Variants in OR5H14 observed in about 807,000 individuals in gnomAD.
OR5H14 encodes the protein olfactory receptor 5H14.
For synonymous variants in OR5H14, 155 were observed against 130.6 expected, an observed-to-expected ratio of 1.19 and a Z score of -1.28; for missense variants, 392 against 363.9, an observed-to-expected ratio of 1.08 and a Z score of -0.63.
Position 98,149,567 on chromosome 3 carries a change from T to C in OR5H14, c.182T>C (p.Leu61Ser). 6.2e-7 allele frequency: 1 copy of C among 1,613,574 alleles called. No individual in the cohort carries two copies. The highest frequency in any genetic ancestry group is 8.5e-7 in the Non-Finnish European group (1 of 1,179,596). The change falls in exon 2 of 2, where the codon TTA (leucine) becomes TCA (serine). Residue 61 changes from leucine to serine, a missense_variant. By Grantham distance (145) the Leu-to-Ser change is moderately radical. Coordinates refer to ENST00000641380, the MANE Select transcript of OR5H14 (RefSeq NM_001005514.2). ...CCTCATCTTCATATCCCAATGTACT[T>C]ACTCCTTGGGAATTTAGCTTTTGTG... ...KDPHLHIPMYLLLGNLAFVDA... is the reference protein window; with the variant it reads ...KDPHLHIPMYSLLGNLAFVDA...
chr3:98,147,919 C>T (rs1217833444), intron 1 of OR5H14: 1 of 151,906 alleles, frequency 6.6e-6, no homozygotes, highest in Non-Finnish European at 1.5e-5. Context: ...TAATTAACTA[C>T]ACTCTCTGAT....
rs7644227 is a variant in OR5H14, at chr3:98,152,188, T to C, written c.*1870T>C. The stretch of plus-strand genomic sequence containing the variant: ...AGGATGTGGAGAAATAAGAACTCAT[T>C]TATCCTGTTGGTGGGAGTGTAATTA... On this transcript the variant is annotated 3_prime_UTR_variant, in exon 2 of 2. Coordinates refer to ENST00000641380, the MANE Select transcript of OR5H14 (RefSeq NM_001005514.2). 0.58 allele frequency: 88,168 copies of C among 151,548 alleles called. 26,028 individuals carry two copies. The highest frequency in any genetic ancestry group is 0.69 in the African/African-American group (28,589 of 41,326). 9.4% of individuals were successfully genotyped at this position (151,548 alleles called of 1,614,324 possible). A position where few individuals can be genotyped will look rare whatever the true frequency, so the allele number is the denominator to read the frequency against.
In OR5H14 at chr3:98,150,331, ATC is replaced by A; in HGVS notation, c.*17_*18del. The stretch of plus-strand genomic sequence containing the variant: ...AAATGATGTTTAGATCATTACTAAT[ATC>A]TCTTTTCTATTTACTAAAATGTCAC... On this transcript the variant is annotated 3_prime_UTR_variant, in exon 2 of 2. Coordinates refer to ENST00000641380, the MANE Select transcript of OR5H14 (RefSeq NM_001005514.2). 1 of 1,470,598 alleles carries A rather than the reference ATC, an allele frequency of 6.8e-7. No homozygotes were observed. Among genetic ancestry groups the A allele is most frequent in the South Asian group, 1.4e-5 (1 of 70,120 alleles). 91.1% of individuals were successfully genotyped at this position (1,470,598 alleles called of 1,614,324 possible). A position where few individuals can be genotyped will look rare whatever the true frequency, so the allele number is the denominator to read the frequency against.
intron 1 of OR5H14, among the ~76,000 whole-genome samples, chr3:98,148,492 T>C (rs944539072): frequency 3.9e-5 from 6 of 152,052 alleles, no homozygotes; most frequent in African/African-American, 1.4e-4. Context: ...TGATGCTCAC[T>C]CCAAGAACTT....
At chr3:98,149,311 T>G in intron 1 of OR5H14, 57 bp from the exon 2 acceptor site, 1 of 1,552,856 alleles carries the variant, frequency 6.4e-7, no homozygotes, top group Non-Finnish European at 8.7e-7. Context: ...TCTTTCCCAA[T>G]TTCAACTCAT....
chr3:98,149,433 A>C lies in OR5H14; in HGVS notation c.48A>C (p.Gly16=), dbSNP rs772903874. The change falls in exon 2 of 2, where the codon GGA becomes GGC. Residue 16 remains glycine (G), a synonymous_variant. Coordinates refer to ENST00000641380, the MANE Select transcript of OR5H14 (RefSeq NM_001005514.2). ...ATLLTEFVLT[G]FLYQPQWKIP... Reference sequence around the variant, plus strand: ...TGCTGACAGAGTTTGTTCTCACAGGATTTTTATATCAACCACAGTGGAAAA... The same window carrying C: ...TGCTGACAGAGTTTGTTCTCACAGGCTTTTTATATCAACCACAGTGGAAAA... 5.6e-6 allele frequency: 9 copies of C among 1,613,176 alleles called. No individual in the cohort carries two copies. Among genetic ancestry groups the C allele is most frequent in the Non-Finnish European group, 6.8e-6 (8 of 1,179,444 alleles).
Position 98,149,627 on chromosome 3 carries a change from T to C in OR5H14, c.242T>C (p.Met81Thr). The change falls in exon 2 of 2, where the codon ATG becomes ACG. Residue 81 changes from methionine to threonine, a missense_variant. Met to Thr is a moderately conservative substitution (Grantham distance 81). Transcript: ENST00000641380. ...TTATCATCCTCAGTGACTCTGAAGA[T>C]GCTGATCAACTTCTTAGCTAAGAGT... ...ALLSSSVTLK[M>T]LINFLAKSKM... 6.2e-7 allele frequency: 1 copy of C among 1,613,640 alleles called. No individual in the cohort carries two copies. Among genetic ancestry groups the C allele is most frequent in the Admixed American group, 1.7e-5 (1 of 59,984 alleles).
rs1405433724 is a variant in OR5H14, at chr3:98,154,305, C to G, written c.*3987C>G. On this transcript the variant is annotated 3_prime_UTR_variant, in exon 2 of 2. Coordinates refer to ENST00000641380, the MANE Select transcript of OR5H14 (RefSeq NM_001005514.2). ...GATTGAGGGGTTGGATCTTTCCTGT[C>G]TACCTTAGGTACCTCACGTTTGGCT... 1 of 152,172 alleles carries G rather than the reference C, an allele frequency of 6.6e-6. No homozygotes were observed. Among genetic ancestry groups the G allele is most frequent in the Admixed American group, 6.6e-5 (1 of 15,266 alleles). 9.4% of individuals were successfully genotyped at this position (152,172 alleles called of 1,614,324 possible).
At position 98,149,801 on chromosome 3, in the gene OR5H14, G is replaced by C. The variant is rs1220531636; in HGVS notation, c.416G>C (p.Gly139Ala). The change falls in exon 2 of 2, where the codon GGA becomes GCA. Residue 139 changes from glycine to alanine, a missense_variant. Transcript: ENST00000641380. ...CTTTATCCAGCCATTATGACCAATGGACTGTGCATCCGGCTATTAATCTTG... is the reference window on the plus strand; with the variant it reads ...CTTTATCCAGCCATTATGACCAATGCACTGTGCATCCGGCTATTAATCTTG... ...PLLYPAIMTN[G>A]LCIRLLILSY... 1 of 1,612,644 alleles carries C rather than the reference G, an allele frequency of 6.2e-7. No homozygotes were observed. The highest frequency in any genetic ancestry group is 1.7e-5 in the Admixed American group (1 of 59,938).
chr3:98,153,105 A>T lies in OR5H14; in HGVS notation c.*2787A>T, dbSNP rs570880684. On this transcript the variant is annotated 3_prime_UTR_variant, in exon 2 of 2. Coordinates refer to ENST00000641380, the MANE Select transcript of OR5H14 (RefSeq NM_001005514.2). The stretch of plus-strand genomic sequence containing the variant: ...TTGGACACTTTGTTTTTGCCATGTT[A>T]ATCATATAGAGAAAATCTGGCAACC... The T allele has an allele frequency of 1.3e-5, 2 of 152,210 alleles. No individual in the cohort carries two copies. Among genetic ancestry groups the T allele is most frequent in the African/African-American group, 4.8e-5 (2 of 41,546 alleles). 9.4% of individuals were successfully genotyped at this position (152,210 alleles called of 1,614,324 possible). A position where few individuals can be genotyped will look rare whatever the true frequency, so the allele number is the denominator to read the frequency against.
rs1207460831 is a variant in OR5H14, at chr3:98,152,824, T to A, written c.*2506T>A. 6.6e-6 allele frequency: 1 copy of A among 152,102 alleles called. No homozygotes were observed. Among genetic ancestry groups the A allele is most frequent in the East Asian group, 1.9e-4 (1 of 5,190 alleles). The allele number at this position is 152,102 out of a possible 1,614,324, so 9.4% of individuals were successfully genotyped here. A position where few individuals can be genotyped will look rare whatever the true frequency, so the allele number is the denominator to read the frequency against. On this transcript the variant is annotated 3_prime_UTR_variant, in exon 2 of 2. Transcript: ENST00000641380. ...AGTATAAAGAAGAAAAAAGTTAACA[T>A]TTTCTTTACCATTTACTATGAGTTG...
rs1708540822 is a variant in OR5H14, at chr3:98,153,687, C to A, written c.*3369C>A. ...TTTTTAGATTTTAAGCTCAAAGCAT[C>A]TTTTGATGATGGGACAAAATGGCAG... On this transcript the variant is annotated 3_prime_UTR_variant, in exon 2 of 2. Transcript: ENST00000641380. 1.3e-5 allele frequency: 2 copies of A among 152,186 alleles called. No homozygotes were observed. Among genetic ancestry groups the A allele is most frequent in the Non-Finnish European group, 2.9e-5 (2 of 68,030 alleles). The allele number at this position is 152,186 out of a possible 1,614,324, so 9.4% of individuals were successfully genotyped here.
At position 98,149,885 on chromosome 3, in the gene OR5H14, C is replaced by T. The variant is rs749684040; in HGVS notation, c.500C>T (p.Thr167Ile). The stretch of plus-strand genomic sequence containing the variant: ...CATGAAGGATTTTTATTCAGACTAA[C>T]CTTCTGTAACTCCAACATAATACAA... ...LIHEGFLFRL[T>I]FCNSNIIQHF... is the part of the protein sequence containing the mutation. Residue 167 changes from threonine to isoleucine, a missense_variant, in exon 2 of 2, where the codon ACC (threonine) becomes ATC (isoleucine). Coordinates refer to ENST00000641380, the MANE Select transcript of OR5H14 (RefSeq NM_001005514.2). 4 of 1,613,168 alleles carry T rather than the reference C, an allele frequency of 2.5e-6. No homozygotes were observed. Among genetic ancestry groups the T allele is most frequent in the Admixed American group, 3.3e-5 (2 of 59,962 alleles).
chr3:98,149,268 G>T, intron 1 of OR5H14, 100 bp from the exon 2 acceptor site: 1 of 1,214,184 alleles, frequency 8.2e-7, no homozygotes, highest in Non-Finnish European at 1.1e-6. Flanking sequence ...AAAAAATTGA[G>T]TCTCTGATAA....
chr3:98,148,315 T>C (rs1269438856), intron 1 of OR5H14, among the ~76,000 whole-genome samples: 1 of 152,132 alleles, frequency 6.6e-6, no homozygotes, highest in African/African-American at 2.4e-5. Context: ...ACTTCTTCAA[T>C]ATAACTTGCT....
rs1708589705 is a variant in OR5H14 at position 98,156,326 on chromosome 3, A to G, written c.*6008A>G. ...CTATTATTTTTAAAGAAATTTTAAA[A>G]TGCTATTTAATATATAATGTTTGTA... On this transcript the variant is annotated 3_prime_UTR_variant, in exon 2 of 2. Transcript: ENST00000641380. The G allele has an allele frequency of 6.6e-6, 1 of 152,088 alleles. No homozygotes were observed. The highest frequency in any genetic ancestry group is 6.6e-5 in the Admixed American group (1 of 15,266). 9.4% of individuals were successfully genotyped at this position (152,088 alleles called of 1,614,324 possible).
rs202192988 is a variant in OR5H14, at chr3:98,149,876, T to G, written c.491T>G (p.Phe164Cys). ...GCTTTAATCCATGAAGGATTTTTAT[T>G]CAGACTAACCTTCTGTAACTCCAAC... ...LHALIHEGFL[F>C]RLTFCNSNII... The change falls in exon 2 of 2, where the codon TTC (phenylalanine) becomes TGC (cysteine). Residue 164 changes from phenylalanine to cysteine, a missense_variant. Physicochemically the swap from Phe to Cys is radical, Grantham distance 205. Coordinates refer to ENST00000641380, the MANE Select transcript of OR5H14 (RefSeq NM_001005514.2). 6.2e-6 allele frequency: 10 copies of G among 1,610,648 alleles called. No homozygotes were observed. The highest frequency in any genetic ancestry group is 3.3e-5 in the South Asian group (3 of 91,070).
Position 98,153,412 on chromosome 3 carries a change from T to G in OR5H14, c.*3094T>G, listed in dbSNP as rs1300124858. 6.6e-6 allele frequency: 1 copy of G among 152,130 alleles called. No homozygotes were observed. Among genetic ancestry groups the G allele is most frequent in the Non-Finnish European group, 1.5e-5 (1 of 68,038 alleles). 9.4% of individuals were successfully genotyped at this position (152,130 alleles called of 1,614,324 possible). On this transcript the variant is annotated 3_prime_UTR_variant, in exon 2 of 2. Coordinates refer to ENST00000641380, the MANE Select transcript of OR5H14 (RefSeq NM_001005514.2). Reference sequence around the variant, plus strand: ...GCCTAGCCAACATGGTGAAACCCCATCTTTATGAAAAATGCAAAAAATTAG... The same window carrying G: ...GCCTAGCCAACATGGTGAAACCCCAGCTTTATGAAAAATGCAAAAAATTAG...
rs75071662 is a variant in OR5H14, at chr3:98,154,533, G to T, written c.*4215G>T. The T allele has an allele frequency of 1.3e-5, 2 of 151,540 alleles. No individual in the cohort carries two copies. Among genetic ancestry groups the T allele is most frequent in the Non-Finnish European group, 2.9e-5 (2 of 67,888 alleles). The allele number at this position is 151,540 out of a possible 1,614,324, so 9.4% of individuals were successfully genotyped here. ...AAGGTGGTTAAAGAAGGCAGGCCTG[G>T]TTCATCTGAGGACGTGACTTTATAA... On this transcript the variant is annotated 3_prime_UTR_variant, in exon 2 of 2. Transcript: ENST00000641380.
Sources: allele counts gnomAD v4.1 joint callset (sites outside exome capture counted in the v4.1 genomes callset), GRCh38; gene constraint gnomAD v4.1.1; transcripts MANE v1.5; gene names NCBI Gene and HGNC (gene_info 2026-07-23, HGNC 2026-07-21).